The following PLPP4 variants were observed in gnomAD, a reference collection of about 807,000 sequenced individuals.
The protein encoded by PLPP4 is phospholipid phosphatase 4, also known as diacylglycerol pyrophosphate like 2.
In PLPP4, 20 loss-of-function variants were observed where a neutral mutation model predicts 32.2. That is an observed-to-expected ratio of 0.62 (90% CI 0.44 to 0.90). The LOEUF (loss-of-function observed/expected upper bound fraction) is 0.90. Ranked by LOEUF, PLPP4 falls within the 40% of genes least tolerant of loss-of-function variation. PLPP4 has a pLI of 0.00. For synonymous variants in PLPP4, 127 were observed against 133.0 expected (o/e 0.95, Z 0.31); for missense variants, 257 against 353.1 (o/e 0.73, Z 2.18).
At chr10:120,535,692 A>G (rs1340383365) in intron 5 of PLPP4, among the ~76,000 whole-genome samples, 1 of 152,080 alleles carries the variant, frequency 6.6e-6, no homozygotes, top group Non-Finnish European at 1.5e-5. Flanking sequence ...CTTTTTTTCC[A>G]ATATTAAATG....
intron 5 of PLPP4, among the ~76,000 whole-genome samples, chr10:120,560,521 G>A (rs1379619356): frequency 1.3e-5 from 2 of 152,158 alleles, no homozygotes; most frequent in African/African-American, 2.4e-5. Flanking sequence ...TTGGGAGGCC[G>A]AGGCAGGCAC....
At position 120,461,311 on chromosome 10, in the gene PLPP4, A is replaced by G. The variant is rs902563077; in HGVS notation, c.56+3950A>G. Among the ~76,000 whole-genome samples the G allele has an allele frequency of 3.9e-5, 6 of 152,182 alleles. No individual in the cohort carries two copies. The South Asian group carries it at 8.3e-4, about 21-fold the overall frequency. On this transcript the variant is annotated intron_variant, in intron 1 of 6. Coordinates refer to ENST00000398250, the MANE Select transcript of PLPP4 (RefSeq NM_001030059.3). ...CCGTTTTTGGCTGTCATCTCCCAGG[A>G]CATCTGTTAGTTCAAGCACTCTGTA...
chr10:120,487,429 T>C (rs1355119435), intron 1 of PLPP4, among the ~76,000 whole-genome samples: 1 of 152,244 alleles, frequency 6.6e-6, no homozygotes, highest in Non-Finnish European at 1.5e-5. Context: ...CACAGAGAAC[T>C]GATTCATTTT....
chr10:120,493,207 C>T (rs757036978), intron 1 of PLPP4, among the ~76,000 whole-genome samples: 5 of 152,174 alleles, frequency 3.3e-5, no homozygotes, highest in Non-Finnish European at 5.9e-5. Flanking sequence ...TTTGTCTCTT[C>T]GGGCTCTTGT....
At position 120,589,285 on chromosome 10, in the gene PLPP4, C is replaced by G. The variant is rs779228890; in HGVS notation, c.617-18C>G. ...CAAATGGTAACCCATTTTTCCTGCTCTGCTGTTTCCTGCCTAGATTCCTTT... is the reference window on the plus strand; with the variant it reads ...CAAATGGTAACCCATTTTTCCTGCTGTGCTGTTTCCTGCCTAGATTCCTTT... On this transcript the variant is annotated intron_variant, in intron 6 of 6. Transcript: ENST00000398250. 2.5e-6 allele frequency: 4 copies of G among 1,611,396 alleles called. No individual in the cohort carries two copies. The highest frequency in any genetic ancestry group is 2.2e-5 in the East Asian group (1 of 44,878).
chr10:120,544,815 A>C (rs1361556691), intron 5 of PLPP4, among the ~76,000 whole-genome samples: 1 of 152,198 alleles, frequency 6.6e-6, no homozygotes, highest in South Asian at 2.1e-4. Flanking sequence ...AGGAGGGCCC[A>C]TTGGTTTGAG....
Position 120,513,934 on chromosome 10 carries a change from G to T in PLPP4, c.189G>T (p.Leu63=). The change falls in exon 3 of 7, where the codon CTG becomes CTT. Residue 63 remains leucine, a synonymous_variant. Transcript: ENST00000398250. ...LMFAISFLTP[L]AVICVVKIIR... is the part of the protein sequence containing the mutation. ...AGGCAATTTCTTTCCTCACACCCCT[G>T]GCTGTTATTTGTGTGGTGAAAATTA... 4 of 1,614,014 alleles carry T rather than the reference G, an allele frequency of 2.5e-6. No individual in the cohort carries two copies. The highest frequency in any genetic ancestry group is 3.4e-6 in the Non-Finnish European group (4 of 1,179,938).
Position 120,575,270 on chromosome 10 carries a change from C to T in PLPP4, c.585C>T (p.Ser195=). 1 of 1,614,078 alleles carries T rather than the reference C, an allele frequency of 6.2e-7. No homozygotes were observed. The change falls in exon 6 of 7, where the codon TCC becomes TCT. Residue 195 remains serine, a synonymous_variant. Coordinates refer to ENST00000398250, the MANE Select transcript of PLPP4 (RefSeq NM_001030059.3). ...ACTGCGCCATGATGATTGCCCTGTC[C>T]CGCATGTGCGACTACAAGCATCACT... ...PLYCAMMIAL[S]RMCDYKHHWQ... is the part of the protein sequence containing the mutation.
chr10:120,499,230 G>T (rs1384386806), intron 1 of PLPP4, among the ~76,000 whole-genome samples: 2 of 152,084 alleles, frequency 1.3e-5, no homozygotes, highest in African/African-American at 4.8e-5. Flanking sequence ...AGGCTGGCAG[G>T]GCTATAGTCC....
intron 6 of PLPP4, among the ~76,000 whole-genome samples, chr10:120,579,943 T>TA (rs34914600): frequency 0.26 from 33,505 of 127,144 alleles, 4,231 homozygotes; most frequent in Admixed American, 0.34. Context: ...CCGTCTCTAC[T>TA]AAAAAAAAAA....
At chr10:120,471,049 T>C (rs1848498549) in intron 1 of PLPP4, among the ~76,000 whole-genome samples, 1 of 152,196 alleles carries the variant, frequency 6.6e-6, no homozygotes, top group Non-Finnish European at 1.5e-5. Context: ...TACATAGTAA[T>C]TTTTTTGGCT....
intron 5 of PLPP4, among the ~76,000 whole-genome samples, chr10:120,566,543 CT>C (rs35692314): frequency 0.04 from 5,627 of 140,944 alleles, 131 homozygotes; most frequent in Admixed American, 0.089. Context: ...CCTACTTATT[CT>C]TTTTTTTTTT....
chr10:120,553,645 A>G (rs1239978048), intron 5 of PLPP4, among the ~76,000 whole-genome samples: 1 of 152,270 alleles, frequency 6.6e-6, no homozygotes, highest in Non-Finnish European at 1.5e-5. Context: ...AAGAGGCAGG[A>G]GGCTTCCAAG....
intron 1 of PLPP4, among the ~76,000 whole-genome samples, chr10:120,478,769 A>T (rs994508223): frequency 1.3e-5 from 2 of 152,062 alleles, no homozygotes; most frequent in African/African-American, 4.8e-5. Context: ...GCTGCAACAC[A>T]CTCCATTAAA....
intron 5 of PLPP4, among the ~76,000 whole-genome samples, chr10:120,566,712 G>A (rs1848708963): frequency 1.3e-5 from 2 of 151,854 alleles, no homozygotes; most frequent in South Asian, 2.1e-4. Flanking sequence ...CTGCCACCAC[G>A]CCCGGCTAAT....
intron 2 of PLPP4, among the ~76,000 whole-genome samples, chr10:120,509,597 A>T (rs571989632): frequency 3.9e-4 from 60 of 152,262 alleles, no homozygotes; most frequent in African/African-American, 1.2e-3. Context: ...ACCGAGATTC[A>T]GGACTCCAAC....
intron 1 of PLPP4, among the ~76,000 whole-genome samples, chr10:120,461,249 T>C (rs1186762557): frequency 1.3e-5 from 2 of 152,212 alleles, no homozygotes; most frequent in Non-Finnish European, 2.9e-5. Flanking sequence ...ACATCAATTG[T>C]AGTAGTAAGA....
chr10:120,521,506 T>C (rs1039653281), intron 5 of PLPP4, among the ~76,000 whole-genome samples: 1 of 152,250 alleles, frequency 6.6e-6, no homozygotes, highest in Admixed American at 6.5e-5. Flanking sequence ...TATATACATA[T>C]ACATACATAT....
chr10:120,585,919 C>T (rs961647858), intron 6 of PLPP4, among the ~76,000 whole-genome samples: 19 of 152,294 alleles, frequency 1.2e-4, no homozygotes, highest in African/African-American at 4.6e-4. Flanking sequence ...TGAGCAGACA[C>T]GAACCTGTAT....
Sources: allele counts gnomAD v4.1 joint callset (sites outside exome capture counted in the v4.1 genomes callset), GRCh38; gene constraint gnomAD v4.1.1; transcripts MANE v1.5; gene names NCBI Gene and HGNC (gene_info 2026-07-23, HGNC 2026-07-21).